The following IPMK variants were observed in gnomAD, a reference collection of about 807,000 sequenced individuals.
The protein encoded by IPMK is inositol polyphosphate multikinase.
Under a neutral mutation model 45.8 loss-of-function variants are expected in IPMK, and 17 were observed. The ratio of observed to expected loss-of-function variants is 0.37; its 90% CI spans 0.25 to 0.56. The LOEUF is 0.56. Among genes scored for constraint, IPMK ranks in the 20% least tolerant of loss-of-function variants. The pLI, the probability that IPMK is intolerant of heterozygous loss-of-function variation, is 0.79. For synonymous variants in IPMK, 180 were observed against 184.3 expected (o/e 0.98, Z 0.19); for missense variants, 399 against 498.0 (o/e 0.80, Z 1.89).
At position 58,193,122 on chromosome 10, in the gene IPMK, T is replaced by G. The variant is rs1312974291; in HGVS notation, c.*2954A>C. ...ATATTCCAACCCCTAGAAACAAATG[T>G]ATTTTCAGTAGCATGAAACAAAAAA... On this transcript the variant is annotated 3_prime_UTR_variant, in exon 6 of 6. Transcript: ENST00000373935. The G allele has an allele frequency of 2.0e-5, 3 of 151,982 alleles. No homozygotes were observed. The highest frequency in any genetic ancestry group is 6.6e-5 in the Admixed American group (1 of 15,256). 9.4% of individuals were successfully genotyped at this position (151,982 alleles called of 1,614,324 possible).
intron 1 of IPMK, among the ~76,000 whole-genome samples, chr10:58,260,389 G>A (rs970515410): frequency 1.9e-4 from 29 of 152,176 alleles, no homozygotes; most frequent in African/African-American, 7.0e-4. Flanking sequence ...AATGGCAAAA[G>A]CCAAATGCTA....
intron 2 of IPMK, among the ~76,000 whole-genome samples, chr10:58,228,424 G>T (rs993137296): frequency 6.6e-6 from 1 of 152,228 alleles, no homozygotes; most frequent in Non-Finnish European, 1.5e-5. Context: ...GAATGGAAAT[G>T]AAAGAGAGAT....
At chr10:58,261,010 A>G (rs774018636) in intron 1 of IPMK, among the ~76,000 whole-genome samples, 9 of 151,882 alleles carry the variant, frequency 5.9e-5, no homozygotes, top group Non-Finnish European at 1.2e-4. Context: ...TTATAAAATA[A>G]CTTGAATCAA....
chr10:58,255,335 G>C (rs1838949095), intron 1 of IPMK, among the ~76,000 whole-genome samples: 1 of 152,224 alleles, frequency 6.6e-6, no homozygotes, highest in South Asian at 2.1e-4. Context: ...CCAGTGAAAA[G>C]ATCAAACATC....
intron 1 of IPMK, among the ~76,000 whole-genome samples, chr10:58,260,857 A>G (rs1260171835): frequency 1.3e-5 from 2 of 152,186 alleles, no homozygotes; most frequent in Non-Finnish European, 2.9e-5. Flanking sequence ...AAAGCTATCT[A>G]CAGATTCAAG....
intron 4 of IPMK, 61 bp downstream of exon 4, chr10:58,216,084 A>C: frequency 3.6e-6 from 4 of 1,110,998 alleles, no homozygotes; most frequent in Non-Finnish European, 4.9e-6. Context: ...TGACATCCAT[A>C]ATTTTCAAGG....
intron 4 of IPMK, among the ~76,000 whole-genome samples, chr10:58,201,156 G>C (rs1232857890): frequency 1.3e-5 from 2 of 152,132 alleles, no homozygotes; most frequent in African/African-American, 4.8e-5. Flanking sequence ...AGGGTATATA[G>C]AGAAAAAATA....
intron 1 of IPMK, among the ~76,000 whole-genome samples, chr10:58,259,980 C>T (rs1284931582): frequency 6.6e-6 from 1 of 152,058 alleles, no homozygotes; most frequent in African/African-American, 2.4e-5. Context: ...CTAACAGTCT[C>T]AAAATATTCC....
chr10:58,251,710 C>T (rs1335820079), intron 1 of IPMK, among the ~76,000 whole-genome samples: 1 of 152,196 alleles, frequency 6.6e-6, no homozygotes, highest in East Asian at 1.9e-4. Flanking sequence ...TGCGGTACTA[C>T]TGACTCCTTC....
At chr10:58,267,053 A>G (rs1839157771) in intron 1 of IPMK, among the ~76,000 whole-genome samples, 3 of 152,220 alleles carry the variant, frequency 2.0e-5, no homozygotes, top group African/African-American at 7.2e-5. Flanking sequence ...CTACTCGCCT[A>G]TAATAAACAG....
chr10:58,197,326 A>AATACATAC (rs1554822222), intron 5 of IPMK, among the ~76,000 whole-genome samples: 1 of 146,430 alleles, frequency 6.8e-6, no homozygotes. Flanking sequence ...TAAATAAATA[A>AATACATAC]ATACATAAAT....
chr10:58,259,108 C>G (rs1034466872), intron 1 of IPMK, among the ~76,000 whole-genome samples: 25 of 152,206 alleles, frequency 1.6e-4, no homozygotes, highest in African/African-American at 6.0e-4. Context: ...ATATGAAATA[C>G]ATTTCTTAGT....
At chr10:58,225,490 C>T (rs1345079171) in intron 3 of IPMK, among the ~76,000 whole-genome samples, 1 of 152,108 alleles carries the variant, frequency 6.6e-6, no homozygotes, top group Non-Finnish European at 1.5e-5. Flanking sequence ...AAATCATATG[C>T]TAGTAACCCT....
chr10:58,266,216 G>A (rs2132271079), intron 1 of IPMK, among the ~76,000 whole-genome samples: 1 of 152,216 alleles, frequency 6.6e-6, no homozygotes, highest in African/African-American at 2.4e-5. Context: ...AGAGAATACA[G>A]ATTCTCTCTC....
intron 4 of IPMK, 41 bp from the exon 5 acceptor site, chr10:58,199,362 T>C: frequency 2.2e-6 from 3 of 1,366,772 alleles, no homozygotes; most frequent in Non-Finnish European, 3.0e-6. Context: ...CTAATACTCC[T>C]TGACCATGTG....
Position 58,194,090 on chromosome 10 carries a change from A to G in IPMK, c.*1986T>C, listed in dbSNP as rs1302347913. On this transcript the variant is annotated 3_prime_UTR_variant, in exon 6 of 6. Coordinates refer to ENST00000373935, the MANE Select transcript of IPMK (RefSeq NM_152230.5). ...ATTGTATTTCCAAATGCAGATAAAAAAATCTTGAACATTAAGATTTTATTG... is the reference window on the plus strand; with the variant it reads ...ATTGTATTTCCAAATGCAGATAAAAGAATCTTGAACATTAAGATTTTATTG... The G allele has an allele frequency of 6.6e-6, 1 of 151,886 alleles. No homozygotes were observed. Among genetic ancestry groups the G allele is most frequent in the Non-Finnish European group, 1.5e-5 (1 of 67,752 alleles). 9.4% of individuals were successfully genotyped at this position (151,886 alleles called of 1,614,324 possible). A position where few individuals can be genotyped will look rare whatever the true frequency, so the allele number is the denominator to read the frequency against.
chr10:58,211,855 G>A (rs2993834), intron 4 of IPMK, among the ~76,000 whole-genome samples: 45,449 of 140,976 alleles, frequency 0.32, 9,484 homozygotes, highest in African/African-American at 0.6. Context: ...GAGGCTGCAG[G>A]GAGCCATGAT....
intron 1 of IPMK, among the ~76,000 whole-genome samples, chr10:58,246,840 A>G (rs1838808578): frequency 6.6e-6 from 1 of 151,928 alleles, no homozygotes; most frequent in African/African-American, 2.4e-5. Flanking sequence ...TGCACAGCAA[A>G]AGACACTACC....
rs560982045 is a variant in IPMK at position 58,195,020 on chromosome 10, C to T, written c.*1056G>A. On this transcript the variant is annotated 3_prime_UTR_variant, in exon 6 of 6. Transcript: ENST00000373935. ...ATAGAAGCATGAATATAGATACGCA[C>T]CAAACCCTATATTACGGACTAATTT... 66 of 151,956 alleles carry T rather than the reference C, an allele frequency of 4.3e-4. No individual in the cohort carries two copies. The highest frequency in any genetic ancestry group is 3.4e-3 in the Middle Eastern group (1 of 294). The allele number at this position is 151,956 out of a possible 1,614,324, so 9.4% of individuals were successfully genotyped here. A position where few individuals can be genotyped will look rare whatever the true frequency, so the allele number is the denominator to read the frequency against.
Sources: gnomAD v4.1 joint callset for allele counts (sites outside exome capture counted in the v4.1 genomes callset) on GRCh38, gnomAD v4.1.1 for gene constraint, MANE v1.5 for transcripts, NCBI Gene and HGNC (gene_info 2026-07-23, HGNC 2026-07-21) for gene names.